Variants in EXOC4 observed in about 807,000 individuals in gnomAD.
The protein encoded by EXOC4 is exocyst complex component 4, also known as SEC8-like 1.
In EXOC4, 71 loss-of-function variants were observed where a neutral mutation model predicts 107.2. That is an observed-to-expected ratio of 0.66 (90% CI 0.55 to 0.81). The LOEUF is 0.81. Among genes scored for constraint, EXOC4 ranks in the 30% least tolerant of loss-of-function variants. EXOC4 has a pLI of 0.00. For missense variants in EXOC4, 1,108 were observed against 1,189.6 expected (o/e 0.93, Z 1.01); for synonymous variants, 456 against 441.2 (o/e 1.03, Z -0.42).
At chr7:133,898,805 C>T (rs1799383013) in intron 12 of EXOC4, among the ~76,000 whole-genome samples, 1 of 146,910 alleles carries the variant, frequency 6.8e-6, no homozygotes, top group South Asian at 2.2e-4. Flanking sequence ...TGGTGAAAGC[C>T]CATCTCTACC....
At chr7:133,692,775 C>T (rs1044058833) in intron 10 of EXOC4, among the ~76,000 whole-genome samples, 21 of 152,172 alleles carry the variant, frequency 1.4e-4, no homozygotes, top group South Asian at 6.2e-4. Flanking sequence ...CGTTTTTATT[C>T]GAGAGTTTTC....
At chr7:133,433,185 T>C (rs1797893045) in intron 7 of EXOC4, among the ~76,000 whole-genome samples, 1 of 152,168 alleles carries the variant, frequency 6.6e-6, no homozygotes, top group African/African-American at 2.4e-5. Context: ...TCTAGCAGCC[T>C]GAATGGAAGG....
intron 13 of EXOC4, among the ~76,000 whole-genome samples, chr7:133,924,634 T>C (rs1389542305): frequency 6.6e-6 from 1 of 152,232 alleles, no homozygotes; most frequent in Non-Finnish European, 1.5e-5. Context: ...ATCTTAAGTG[T>C]ATAACTAAAT....
chr7:133,616,791 C>A (rs569929533), intron 9 of EXOC4, among the ~76,000 whole-genome samples: 2 of 152,038 alleles, frequency 1.3e-5, no homozygotes, highest in Non-Finnish European at 2.9e-5. Context: ...GAATTATCAT[C>A]GATATCAACG....
At chr7:133,912,566 T>C (rs1041344581) in intron 12 of EXOC4, among the ~76,000 whole-genome samples, 6 of 152,190 alleles carry the variant, frequency 3.9e-5, no homozygotes, top group Non-Finnish European at 2.9e-5. Flanking sequence ...ACGGAAACCA[T>C]TAAGATGCTT....
At chr7:133,290,480 T>C (rs116834141) in intron 3 of EXOC4, among the ~76,000 whole-genome samples, 3,025 of 152,334 alleles carry the variant, frequency 0.02, 83 homozygotes, top group African/African-American at 0.069. Flanking sequence ...ATACTTGTCC[T>C]ATATTCTCAA....
At chr7:133,253,237 C>T (rs1562988936) in intron 1 of EXOC4, 50 bp downstream of exon 1, 1 of 1,592,282 alleles carries the variant, frequency 6.3e-7, no homozygotes, top group South Asian at 1.1e-5. Context: ...GCGGCTCGAC[C>T]TCCGCTTTGG....
chr7:133,641,389 A>C (rs748212675), intron 10 of EXOC4, among the ~76,000 whole-genome samples: 1 of 152,122 alleles, frequency 6.6e-6, no homozygotes, highest in Non-Finnish European at 1.5e-5. Flanking sequence ...ATTCTTGAAT[A>C]TTAAAAGATA....
intron 10 of EXOC4, among the ~76,000 whole-genome samples, chr7:133,668,704 G>A (rs1251181495): frequency 1.3e-5 from 2 of 152,290 alleles, no homozygotes; most frequent in Non-Finnish European, 2.9e-5. Context: ...GTTAGGACAT[G>A]GTCAACAGAG....
intron 7 of EXOC4, among the ~76,000 whole-genome samples, chr7:133,402,139 C>T (rs560439749): frequency 2.6e-5 from 4 of 152,198 alleles, no homozygotes; most frequent in Non-Finnish European, 4.4e-5. Flanking sequence ...AATTTTCTTG[C>T]GGAAAGTATT....
At chr7:133,372,912 T>C (rs1158507833) in intron 6 of EXOC4, among the ~76,000 whole-genome samples, 1 of 152,210 alleles carries the variant, frequency 6.6e-6, no homozygotes, top group African/African-American at 2.4e-5. Flanking sequence ...ATAACTAAGA[T>C]TTTCCTATCA....
intron 7 of EXOC4, among the ~76,000 whole-genome samples, chr7:133,458,291 A>T (rs1798510596): frequency 6.6e-6 from 1 of 152,248 alleles, no homozygotes; most frequent in Non-Finnish European, 1.5e-5. Flanking sequence ...ATCCTATTGC[A>T]GGATGCAAGC....
At chr7:133,291,120 T>C (rs1464281693) in intron 3 of EXOC4, 1 of 151,986 alleles carries the variant, frequency 6.6e-6, no homozygotes, top group Non-Finnish European at 1.5e-5. Flanking sequence ...AACTATCTGG[T>C]TGGGGCAGGG....
intron 10 of EXOC4, among the ~76,000 whole-genome samples, chr7:133,816,984 G>A (rs191139500): frequency 2.0e-5 from 3 of 152,070 alleles, no homozygotes; most frequent in South Asian, 2.1e-4. Flanking sequence ...TGTACTCTTC[G>A]GGGATGTGCT....
At chr7:133,384,580 G>A (rs1265205070) in intron 7 of EXOC4, among the ~76,000 whole-genome samples, 4 of 152,126 alleles carry the variant, frequency 2.6e-5, no homozygotes. Flanking sequence ...AAGTGAAATA[G>A]TGTGATGTAG....
rs1439895567 is a variant in EXOC4 at position 133,288,841 on chromosome 7, C to T, written c.277-81C>T. On this transcript the variant is annotated intron_variant, in intron 2 of 17. Coordinates refer to ENST00000253861, the MANE Select transcript of EXOC4 (RefSeq NM_021807.4). ...TAGGAACTGCTGCATACAGTAGTAC[C>T]AGTGAAGACTACTAACCAGATTATA... 5 of 1,112,602 alleles carry T rather than the reference C, an allele frequency of 4.5e-6. No individual in the cohort carries two copies. The African/African-American group carries it at 7.7e-5, about 17-fold the overall frequency. The allele number at this position is 1,112,602 out of a possible 1,614,324, so 68.9% of individuals were successfully genotyped here. A position where few individuals can be genotyped will look rare whatever the true frequency, so the allele number is the denominator to read the frequency against.
At chr7:133,586,129 TTAGA>T (rs34727782) in intron 9 of EXOC4, among the ~76,000 whole-genome samples, 34,981 of 151,968 alleles carry the variant, frequency 0.23, 4,698 homozygotes, top group African/African-American at 0.36. Flanking sequence ...TACAGGTTTG[TTAGA>T]TAGGTAAATT....
chr7:133,928,229 G>A (rs1046912895), intron 13 of EXOC4, among the ~76,000 whole-genome samples: 2 of 152,174 alleles, frequency 1.3e-5, no homozygotes, highest in African/African-American at 4.8e-5. Flanking sequence ...TAGCCCTTGA[G>A]AAAGTCAGGC....
chr7:133,759,117 A>AAAAC (rs922662237), intron 10 of EXOC4, among the ~76,000 whole-genome samples: 2 of 151,762 alleles, frequency 1.3e-5, no homozygotes, highest in Non-Finnish European at 1.5e-5. Context: ...CAGCTAATTT[A>AAAAC]AAACAAACAA....
Sources: gnomAD v4.1 joint callset for allele counts (sites outside exome capture counted in the v4.1 genomes callset) on GRCh38, gnomAD v4.1.1 for gene constraint, MANE v1.5 for transcripts, NCBI Gene and HGNC (gene_info 2026-07-23, HGNC 2026-07-21) for gene names.